Variants in LHFPL3 observed in about 807,000 individuals in gnomAD.
The protein encoded by LHFPL3 is LHFPL tetraspan subfamily member 3 protein.
In LHFPL3, 5 loss-of-function variants were observed where a neutral mutation model predicts 19.3. That is an observed-to-expected ratio of 0.26 (90% CI 0.14 to 0.54). LHFPL3 has a LOEUF of 0.54. Ranked by LOEUF, LHFPL3 falls within the 20% of genes least tolerant of loss-of-function variation. The pLI is 0.94. For missense variants in LHFPL3, 249 were observed against 307.4 expected, an observed-to-expected ratio of 0.81 and a Z score of 1.42; for synonymous variants, 133 against 126.2, an observed-to-expected ratio of 1.05 and a Z score of -0.36.
intron 2 of LHFPL3, among the ~76,000 whole-genome samples, chr7:104,751,145 G>T: frequency 1.3e-5 from 1 of 74,924 alleles, no homozygotes; most frequent in Non-Finnish European, 2.7e-5. Flanking sequence ...TTCAATCCAG[G>T]CTTTTACATA....
rs1027579392 is a variant in LHFPL3 at position 104,652,049 on chromosome 7, G to A, written c.446-84626G>A. 3.9e-5 allele frequency among the ~76,000 whole-genome samples: 6 copies of A among 152,218 alleles called. No homozygotes were observed. The South Asian group carries it at 1.2e-3, about 32-fold the overall frequency. ...CCAGGAGGAGGAGAGAGGCATCTGA[G>A]TTTGCAAGCTTGGCAACTAGGTGAA... On this transcript the variant is annotated intron_variant, in intron 1 of 2. Transcript: ENST00000424859.
intron 1 of LHFPL3, among the ~76,000 whole-genome samples, chr7:104,717,237 T>C (rs1299048597): frequency 6.6e-6 from 1 of 152,114 alleles, no homozygotes; most frequent in Non-Finnish European, 1.5e-5. Context: ...CTTATAACAT[T>C]AGTCTTGGCA....
At chr7:104,336,979 G>A (rs979015139) in intron 1 of LHFPL3, among the ~76,000 whole-genome samples, 1 of 152,040 alleles carries the variant, frequency 6.6e-6, no homozygotes, top group Non-Finnish European at 1.5e-5. Flanking sequence ...GATTTTGAAG[G>A]GGATTCAACT....
chr7:104,760,029 G>A (rs1361748619), intron 2 of LHFPL3, among the ~76,000 whole-genome samples: 1 of 152,148 alleles, frequency 6.6e-6, no homozygotes, highest in Non-Finnish European at 1.5e-5. Context: ...GTGAGTGTCC[G>A]AATCACTGGG....
chr7:104,877,937 G>A (rs753425878), intron 2 of LHFPL3, among the ~76,000 whole-genome samples: 4 of 151,848 alleles, frequency 2.6e-5, no homozygotes, highest in African/African-American at 7.3e-5. Flanking sequence ...GGGTTCAAGC[G>A]ATTCCCCTGC....
chr7:104,776,250 A>C (rs954042057), intron 2 of LHFPL3, among the ~76,000 whole-genome samples: 3 of 152,228 alleles, frequency 2.0e-5, no homozygotes, highest in Non-Finnish European at 4.4e-5. Flanking sequence ...GTATTTGGAA[A>C]TACAACACTT....
chr7:104,358,390 A>T (rs564321877), intron 1 of LHFPL3, among the ~76,000 whole-genome samples: 48 of 152,274 alleles, frequency 3.2e-4, no homozygotes, highest in African/African-American at 1.1e-3. Flanking sequence ...ATTGAAACAT[A>T]CTTCTCTTTG....
intron 2 of LHFPL3, among the ~76,000 whole-genome samples, chr7:104,752,107 T>C (rs929116076): frequency 6.6e-6 from 1 of 152,194 alleles, no homozygotes; most frequent in Non-Finnish European, 1.5e-5. Context: ...GTTGTAATGT[T>C]ACAGGCACCT....
chr7:104,639,262 T>G (rs1227072621), intron 1 of LHFPL3, among the ~76,000 whole-genome samples: 1 of 152,220 alleles, frequency 6.6e-6, no homozygotes, highest in Non-Finnish European at 1.5e-5. Flanking sequence ...AGTTCATTAT[T>G]GGTCTGTTCA....
chr7:104,597,114 A>T (rs1014566542), intron 1 of LHFPL3, among the ~76,000 whole-genome samples: 2 of 152,248 alleles, frequency 1.3e-5, no homozygotes, highest in Non-Finnish European at 2.9e-5. Context: ...TAGCATGACA[A>T]ATGGATTCAT....
chr7:104,600,144 A>G (rs892491510), intron 1 of LHFPL3, among the ~76,000 whole-genome samples: 5 of 152,218 alleles, frequency 3.3e-5, no homozygotes, highest in African/African-American at 1.2e-4. Flanking sequence ...AACCTGGGGT[A>G]CCCTAAAAAC....
In LHFPL3 at chr7:104,532,973, AGAG is replaced by A. The variant is rs575769681; in HGVS notation, c.446-203698_446-203696del. ...TAATGTGTCAAGGAGGAGAGAGTGA[AGAG>A]GAGATCACCTTCCCAGAATTCTTCC... On this transcript the variant is annotated intron_variant, in intron 1 of 2. Coordinates refer to ENST00000424859, the MANE Select transcript of LHFPL3 (RefSeq NM_199000.3). Among the ~76,000 whole-genome samples, 175 of 152,298 alleles carry A rather than the reference AGAG, an allele frequency of 1.1e-3. 2 individuals carry two copies. The highest frequency in any genetic ancestry group is 6.8e-3 in the Middle Eastern group (2 of 294).
chr7:104,576,117 G>A (rs1790334382), intron 1 of LHFPL3, among the ~76,000 whole-genome samples: 1 of 151,878 alleles, frequency 6.6e-6, no homozygotes. Context: ...AAAACCCTGG[G>A]GGAAAATTCA....
At chr7:104,585,216 G>A (rs973522223) in intron 1 of LHFPL3, among the ~76,000 whole-genome samples, 9 of 151,892 alleles carry the variant, frequency 5.9e-5, no homozygotes, top group South Asian at 2.1e-4. Flanking sequence ...GGTACCTGGC[G>A]ACTACCACAA....
At chr7:104,881,354 T>C (rs879773147) in intron 2 of LHFPL3, among the ~76,000 whole-genome samples, 2 of 152,164 alleles carry the variant, frequency 1.3e-5, no homozygotes, top group Admixed American at 1.3e-4. Flanking sequence ...ATAGAATTTA[T>C]AAAAATATCA....
At chr7:104,690,891 G>C (rs1792893441) in intron 1 of LHFPL3, among the ~76,000 whole-genome samples, 1 of 152,180 alleles carries the variant, frequency 6.6e-6, no homozygotes, top group South Asian at 2.1e-4. Flanking sequence ...TCTGCCACTT[G>C]GGCCATATGA....
At chr7:104,679,385 T>A (rs1792651241) in intron 1 of LHFPL3, among the ~76,000 whole-genome samples, 1 of 152,226 alleles carries the variant, frequency 6.6e-6, no homozygotes, top group South Asian at 2.1e-4. Context: ...ACACCCATAC[T>A]TCCACCTTGT....
chr7:104,885,742 CAGTG>C (rs1250305162), intron 2 of LHFPL3, among the ~76,000 whole-genome samples: 2 of 152,238 alleles, frequency 1.3e-5, no homozygotes, highest in African/African-American at 4.8e-5. Context: ...CACTCACTCA[CAGTG>C]AGTCTTACAA....
At chr7:104,579,043 A>G (rs1002171003) in intron 1 of LHFPL3, among the ~76,000 whole-genome samples, 1 of 152,196 alleles carries the variant, frequency 6.6e-6, no homozygotes, top group Admixed American at 6.5e-5. Context: ...AGCTTATGGT[A>G]CAAAACATAC....
Sources: allele counts gnomAD v4.1 joint callset (sites outside exome capture counted in the v4.1 genomes callset), GRCh38; gene constraint gnomAD v4.1.1; transcripts MANE v1.5; gene names NCBI Gene and HGNC (gene_info 2026-07-23, HGNC 2026-07-21).